Variants in DLGAP4 observed in about 807,000 individuals in gnomAD.
The protein encoded by DLGAP4 is DLG associated protein 4.
DLGAP4 carries 18 observed loss-of-function variants against 86.9 expected under a neutral mutation model. That is an observed-to-expected ratio of 0.21 (90% CI 0.14 to 0.31). The LOEUF (loss-of-function observed/expected upper bound fraction) is 0.31. Ranked by LOEUF, DLGAP4 falls within the 10% of genes least tolerant of loss-of-function variation. The pLI, the probability that DLGAP4 is intolerant of heterozygous loss-of-function variation, is 1.00. For synonymous variants in DLGAP4, 548 were observed against 574.3 expected, an observed-to-expected ratio of 0.95 and a Z score of 0.65; for missense variants, 1,085 against 1,362.6, an observed-to-expected ratio of 0.80 and a Z score of 3.21.
At chr20:36,495,471 G>C (rs1291582385) in intron 7 of DLGAP4, among the ~76,000 whole-genome samples, 1 of 152,188 alleles carries the variant, frequency 6.6e-6, no homozygotes, top group African/African-American at 2.4e-5. Context: ...CAGGGCAACA[G>C]GCAGTTGGAG....
At chr20:36,328,582 G>C (rs906772277) in intron 1 of DLGAP4, among the ~76,000 whole-genome samples, 2 of 151,912 alleles carry the variant, frequency 1.3e-5, no homozygotes, top group African/African-American at 4.8e-5. Flanking sequence ...GCTTTTGTAG[G>C]GCAGGTTGGT....
chr20:36,427,902 C>G (rs556277042), intron 2 of DLGAP4, among the ~76,000 whole-genome samples: 1 of 152,022 alleles, frequency 6.6e-6, no homozygotes, highest in South Asian at 2.1e-4. Context: ...GAGACCACCC[C>G]ATTGCACTCC....
At chr20:36,446,556 A>T in intron 6 of DLGAP4, 141 bp from the exon 7 acceptor site, 1 of 736,956 alleles carries the variant, frequency 1.4e-6, no homozygotes, top group Non-Finnish European at 2.2e-6. Flanking sequence ...CCCATCCCAT[A>T]CGCTGAGTGA....
intron 10 of DLGAP4, among the ~76,000 whole-genome samples, chr20:36,515,592 A>AT (rs2147832852): frequency 6.6e-6 from 1 of 152,144 alleles, no homozygotes; most frequent in South Asian, 2.1e-4. Context: ...ATGTATTTTA[A>AT]TTTATTTATT....
intron 2 of DLGAP4, among the ~76,000 whole-genome samples, chr20:36,402,061 T>C (rs2032179024): frequency 6.6e-6 from 1 of 152,124 alleles, no homozygotes; most frequent in Admixed American, 6.5e-5. Flanking sequence ...GTTCAGTAGA[T>C]GAATTGTGAA....
chr20:36,525,216 C>CAAAAAAA lies in DLGAP4; in HGVS notation c.2605-603_2605-597dup, dbSNP rs1159616185. The stretch of plus-strand genomic sequence containing the variant: ...TGGGTGACAGAGCGAGACTCCGTCT[C>CAAAAAAA]AAAAAAAAAAAAAAAAAAAAAAAAA... On this transcript the variant is annotated intron_variant, in intron 11 of 12. Coordinates refer to ENST00000339266, the MANE Select transcript of DLGAP4 (RefSeq NM_001365621.2). 5.5e-3 allele frequency among the ~76,000 whole-genome samples: 158 copies of CAAAAAAA among 28,480 alleles called. 22 individuals are homozygous for CAAAAAAA. The highest frequency in any genetic ancestry group is 6.7e-3 in the African/African-American group (65 of 9,732). The allele number at this position is 28,480 out of a possible 152,430, so 18.7% of individuals were successfully genotyped here. A position where few individuals can be genotyped will look rare whatever the true frequency, so the allele number is the denominator to read the frequency against.
intron 2 of DLGAP4, among the ~76,000 whole-genome samples, chr20:36,415,286 A>AAAACAG (rs1205868839): frequency 6.6e-6 from 1 of 151,982 alleles, no homozygotes; most frequent in Non-Finnish European, 1.5e-5. Flanking sequence ...AAACAAAACA[A>AAAACAG]AAACAGAAAC....
intron 1 of DLGAP4, among the ~76,000 whole-genome samples, chr20:36,321,573 G>A (rs963219781): frequency 1.3e-5 from 2 of 152,268 alleles, no homozygotes; most frequent in South Asian, 2.1e-4. Flanking sequence ...CTGGTGAGGC[G>A]CTCGCCCGCC....
At chr20:36,358,843 G>A (rs2030423129) in intron 1 of DLGAP4, among the ~76,000 whole-genome samples, 1 of 152,114 alleles carries the variant, frequency 6.6e-6, no homozygotes, top group African/African-American at 2.4e-5. Context: ...TAACTTGAAG[G>A]TGCTGGTCAG....
chr20:36,424,823 C>T (rs1395165552), intron 2 of DLGAP4, among the ~76,000 whole-genome samples: 3 of 151,746 alleles, frequency 2.0e-5, no homozygotes, highest in Admixed American at 2.0e-4. Context: ...GCAACCTCTG[C>T]CTTTCAGATT....
intron 1 of DLGAP4, among the ~76,000 whole-genome samples, chr20:36,348,479 C>T (rs1179299992): frequency 6.6e-6 from 1 of 151,868 alleles, no homozygotes; most frequent in African/African-American, 2.4e-5. Context: ...TCTAAAGTGG[C>T]GCGATCTCGG....
intron 1 of DLGAP4, among the ~76,000 whole-genome samples, chr20:36,319,294 C>T (rs985325743): frequency 6.6e-6 from 1 of 152,156 alleles, no homozygotes; most frequent in South Asian, 2.1e-4. Flanking sequence ...TCACAGAAAC[C>T]TCTCTCAGCC....
At chr20:36,391,677 C>G (rs1401546021) in intron 2 of DLGAP4, among the ~76,000 whole-genome samples, 1 of 152,210 alleles carries the variant, frequency 6.6e-6, no homozygotes, top group African/African-American at 2.4e-5. Context: ...GAGCTCCAGT[C>G]CCTTTGTCTT....
In DLGAP4 at chr20:36,432,295, C is replaced by G; in HGVS notation, c.578C>G (p.Pro193Arg). ...KSKERAKAGE[P>R]KRRSRSNISG... ...AAGGAGCGGGCCAAGGCTGGGGAGC[C>G]CAAACGGCGCAGCCGCTCCAACATC... Residue 193 changes from proline (P) to arginine (R), a missense_variant, in exon 3 of 13, where the codon CCC becomes CGC. Transcript: ENST00000339266. The surrounding 1 kb of genome is among the most constrained non-coding windows in gnomAD (Gnocchi z 6.5). 6.2e-7 allele frequency: 1 copy of G among 1,613,712 alleles called. No homozygotes were observed. The highest frequency in any genetic ancestry group is 8.5e-7 in the Non-Finnish European group (1 of 1,179,856).
chr20:36,484,565 T>C (rs573136259), intron 7 of DLGAP4, among the ~76,000 whole-genome samples: 14 of 152,368 alleles, frequency 9.2e-5, no homozygotes, highest in Admixed American at 8.5e-4. Context: ...GCCACCTGTG[T>C]CCTGGTGCCA....
rs200346078 is a variant in DLGAP4, at chr20:36,431,707, G to A, written c.-11G>A. On this transcript the variant is annotated 5_prime_UTR_variant, in exon 3 of 13. Transcript: ENST00000339266. This position sits in a 1 kb window ranked among gnomAD's most constrained non-coding sequence, Gnocchi z 5.1. ...TGCTAGGGTGAAGGCCCCTGCCCTCGGCCCGGGATCATGAAAGGCCTCGGT... is the reference window on the plus strand; with the variant it reads ...TGCTAGGGTGAAGGCCCCTGCCCTCAGCCCGGGATCATGAAAGGCCTCGGT... 5.2e-4 allele frequency: 818 copies of A among 1,572,356 alleles called. 4 individuals are homozygous for A. The African/African-American group carries it at 9.1e-3, about 17-fold the overall frequency.
intron 1 of DLGAP4, among the ~76,000 whole-genome samples, chr20:36,352,889 T>C (rs1555893564): frequency 6.6e-6 from 1 of 152,110 alleles, no homozygotes; most frequent in Non-Finnish European, 1.5e-5. Flanking sequence ...GTCTGAGTTA[T>C]AAAGACATAA....
chr20:36,336,239 G>T (rs2065320982), intron 1 of DLGAP4, among the ~76,000 whole-genome samples: 1 of 152,064 alleles, frequency 6.6e-6, no homozygotes, highest in South Asian at 2.1e-4. Context: ...TGGCCTCCAG[G>T]GTCACCTAGG....
intron 2 of DLGAP4, among the ~76,000 whole-genome samples, chr20:36,426,800 A>G (rs1280784527): frequency 1.3e-5 from 2 of 152,206 alleles, no homozygotes; most frequent in African/African-American, 2.4e-5. Flanking sequence ...GAAAGTATCT[A>G]TGGACGTGGT....
Sources: allele counts gnomAD v4.1 joint callset (sites outside exome capture counted in the v4.1 genomes callset), GRCh38; gene constraint gnomAD v4.1.1; non-coding constraint Gnocchi (gnomAD v3.1); transcripts MANE v1.5; gene names NCBI Gene and HGNC (gene_info 2026-07-23, HGNC 2026-07-21).